Variants in DROSHA observed in about 807,000 individuals in gnomAD.
The protein encoded by DROSHA is ribonuclease 3.
DROSHA carries 56 observed loss-of-function variants against 181.9 expected under a neutral mutation model. The ratio of observed to expected loss-of-function variants is 0.31; its 90% CI spans 0.25 to 0.38. The LOEUF is 0.38. Among genes scored for constraint, DROSHA ranks in the 10% least tolerant of loss-of-function variants. DROSHA has a pLI of 1.00. For missense variants in DROSHA, 1,218 were observed against 1,743.5 expected (o/e 0.70, Z 5.37); for synonymous variants, 524 against 591.2 (o/e 0.89, Z 1.65).
In DROSHA at chr5:31,401,514, T is replaced by C; in HGVS notation, c.4043A>G (p.Tyr1348Cys). ...CCTCATTTCTTTTAACTCTTGTCTG[T>C]ACTTCCGTTCGATGAACCGCTTCTG... Reference protein sequence around the residue: ...AHQKRFIERKYRQELKEMRWE... With the variant: ...AHQKRFIERKCRQELKEMRWE... The change falls in exon 36 of 36, where the codon TAC becomes TGC. Residue 1348 changes from tyrosine to cysteine, a missense_variant. Tyr to Cys is a radical substitution (Grantham distance 194, BLOSUM62 -2). This residue lies in a region of DROSHA where 32 missense variants were observed against 29.2 expected (regional missense o/e 1.09). Coordinates refer to ENST00000344624, the MANE Select transcript of DROSHA (RefSeq NM_001382508.1). 1 of 1,609,538 alleles carries C rather than the reference T, an allele frequency of 6.2e-7. No homozygotes were observed. Among genetic ancestry groups the C allele is most frequent in the Non-Finnish European group, 8.5e-7 (1 of 1,177,686 alleles).
intron 20 of DROSHA, among the ~76,000 whole-genome samples, chr5:31,458,766 TTTAA>T (rs766137642): frequency 3.5e-4 from 54 of 152,158 alleles, no homozygotes; most frequent in Non-Finnish European, 7.3e-4. Flanking sequence ...TTTAATTTCA[TTTAA>T]TTAATTTAAA....
Position 31,470,983 on chromosome 5 carries a change from T to C in DROSHA, c.2241+1080A>G, listed in dbSNP as rs1749659191. On this transcript the variant is annotated intron_variant, in intron 17 of 35. Coordinates refer to ENST00000344624, the MANE Select transcript of DROSHA (RefSeq NM_001382508.1). This position sits in a 1 kb window ranked among gnomAD's most constrained non-coding sequence, Gnocchi z 4.0. The stretch of plus-strand genomic sequence containing the variant: ...TCTGAGAGTGTTATTACTTACATAT[T>C]TCTTTTAAAGTTACTTTAATAATTA... 6.6e-6 allele frequency among the ~76,000 whole-genome samples: 1 copy of C among 152,254 alleles called. No homozygotes were observed. The highest frequency in any genetic ancestry group is 1.5e-5 in the Non-Finnish European group (1 of 68,040).
chr5:31,411,533 T>C lies in DROSHA; in HGVS notation c.3526-646A>G, dbSNP rs1190902516. ...AGGACTTAAGTGAGGTTTAAGTAAA[T>C]ACTATGAAAAGATTTAAATTATTTA... On this transcript the variant is annotated intron_variant, in intron 30 of 35. Coordinates refer to ENST00000344624, the MANE Select transcript of DROSHA (RefSeq NM_001382508.1). The surrounding 1 kb of genome is among the most constrained non-coding windows in gnomAD (Gnocchi z 4.2). Among the ~76,000 whole-genome samples, 4 of 152,186 alleles carry C rather than the reference T, an allele frequency of 2.6e-5. No individual in the cohort carries two copies. Among genetic ancestry groups the C allele is most frequent in the Non-Finnish European group, 5.9e-5 (4 of 68,042 alleles).
intron 8 of DROSHA, among the ~76,000 whole-genome samples, chr5:31,511,759 A>AT (rs1738706593): frequency 6.6e-6 from 1 of 151,988 alleles, no homozygotes; most frequent in African/African-American, 2.4e-5. Flanking sequence ...TTAATATGAC[A>AT]TTTTTTAAAA....
intron 16 of DROSHA, among the ~76,000 whole-genome samples, chr5:31,480,965 A>G (rs928121350): frequency 3.3e-5 from 5 of 152,348 alleles, no homozygotes; most frequent in African/African-American, 1.2e-4. Context: ...TTGGCACTAT[A>G]TATCACAATC....
chr5:31,516,072 A>G (rs944004241), intron 6 of DROSHA, among the ~76,000 whole-genome samples: 15 of 152,176 alleles, frequency 9.9e-5, no homozygotes, highest in African/African-American at 3.4e-4. Flanking sequence ...CCTGGGTAAC[A>G]TGGTGAAACC....
chr5:31,495,261 T>G, intron 12 of DROSHA, 25 bp downstream of exon 12: 1 of 1,601,096 alleles, frequency 6.2e-7, no homozygotes, highest in Non-Finnish European at 8.6e-7. Flanking sequence ...TTAAATGATA[T>G]GCATGTGATT....
intron 10 of DROSHA, among the ~76,000 whole-genome samples, chr5:31,507,188 C>T (rs1440990640): frequency 6.6e-6 from 1 of 152,136 alleles, no homozygotes; most frequent in African/African-American, 2.4e-5. Context: ...AGGCCAGGCG[C>T]AGTGGCTCAC....
intron 20 of DROSHA, among the ~76,000 whole-genome samples, chr5:31,454,315 C>G (rs1443543854): frequency 6.6e-6 from 1 of 152,060 alleles, no homozygotes; most frequent in African/African-American, 2.4e-5. Flanking sequence ...AGCCCTACAA[C>G]CAGGAGAAAG....
chr5:31,502,342 G>C (rs1459684336), intron 11 of DROSHA, among the ~76,000 whole-genome samples: 2 of 152,198 alleles, frequency 1.3e-5, no homozygotes, highest in Non-Finnish European at 2.9e-5. Context: ...GCCACATTGG[G>C]AGAATCACAA....
At chr5:31,405,763 GATTCTT>G in intron 34 of DROSHA, 40 bp from the exon 35 acceptor site, 2 of 424,694 alleles carry the variant, frequency 4.7e-6, no homozygotes, top group Non-Finnish European at 7.3e-6. Flanking sequence ...TTAATTTCAA[GATTCTT>G]TTTTTTTTTT....
chr5:31,438,233 C>A (rs1432867449), intron 23 of DROSHA, among the ~76,000 whole-genome samples: 4 of 152,210 alleles, frequency 2.6e-5, no homozygotes, highest in Admixed American at 2.6e-4. Context: ...TGGTTGAGCA[C>A]AGACATGACA....
chr5:31,431,326 A>C (rs931045464), intron 26 of DROSHA, among the ~76,000 whole-genome samples: 1 of 144,456 alleles, frequency 6.9e-6, no homozygotes, highest in Non-Finnish European at 1.5e-5. Flanking sequence ...AACCATCTAC[A>C]TGACATCAGA....
intron 15 of DROSHA, among the ~76,000 whole-genome samples, chr5:31,484,012 G>T (rs1751385505): frequency 6.6e-6 from 1 of 151,804 alleles, no homozygotes; most frequent in African/African-American, 2.4e-5. Flanking sequence ...AAAAAAAAAT[G>T]TTGAGAAATG....
chr5:31,473,700 T>A (rs1208759664), intron 16 of DROSHA, among the ~76,000 whole-genome samples: 1 of 152,106 alleles, frequency 6.6e-6, no homozygotes, highest in East Asian at 1.9e-4. Flanking sequence ...AAGAAAGGAA[T>A]CTTCTAAGAG....
chr5:31,428,633 T>C (rs984536740), intron 27 of DROSHA, among the ~76,000 whole-genome samples: 72 of 152,304 alleles, frequency 4.7e-4, no homozygotes, highest in African/African-American at 1.7e-3. Flanking sequence ...TTTCCAAAAC[T>C]ATTGATCCTT....
chr5:31,518,453 G>T (rs1042296028), intron 6 of DROSHA, among the ~76,000 whole-genome samples: 2 of 152,182 alleles, frequency 1.3e-5, no homozygotes, highest in Non-Finnish European at 2.9e-5. Flanking sequence ...ATTACAAGAT[G>T]CTTAAATTAT....
At chr5:31,427,403 A>G (rs1743613705) in intron 27 of DROSHA, among the ~76,000 whole-genome samples, 1 of 152,178 alleles carries the variant, frequency 6.6e-6, no homozygotes, top group African/African-American at 2.4e-5. Flanking sequence ...AACTCAGTTG[A>G]GGGTGAAAAA....
intron 20 of DROSHA, among the ~76,000 whole-genome samples, chr5:31,455,293 G>A (rs912912899): frequency 6.6e-6 from 1 of 152,000 alleles, no homozygotes; most frequent in African/African-American, 2.4e-5. Flanking sequence ...GATATAAGAT[G>A]CAAGAAGTAA....
Sources: allele counts gnomAD v4.1 joint callset (sites outside exome capture counted in the v4.1 genomes callset), GRCh38; gene constraint gnomAD v4.1.1; regional missense constraint gnomAD v4.1.1; non-coding constraint Gnocchi (gnomAD v3.1); transcripts MANE v1.5; gene names NCBI Gene and HGNC (gene_info 2026-07-23, HGNC 2026-07-21).